LOXL2: variants seen among roughly 807,000 people sequenced by gnomAD.
LOXL2 encodes lysyl oxidase homolog 2.
LOXL2 carries 70 observed loss-of-function variants against 93.0 expected under a neutral mutation model. That is an observed-to-expected ratio of 0.75 (90% CI 0.62 to 0.92). The LOEUF (loss-of-function observed/expected upper bound fraction) is 0.92, where lower values mean the gene tolerates loss of function less well. LOXL2 is among the 40% of genes least tolerant of loss of function. The pLI is 0.00. For synonymous variants in LOXL2, 438 were observed against 413.2 expected, an observed-to-expected ratio of 1.06 and a Z score of -0.73; for missense variants, 973 against 1,054.9, an observed-to-expected ratio of 0.92 and a Z score of 1.08.
intron 1 of LOXL2, among the ~76,000 whole-genome samples, chr8:23,378,062 T>C (rs1804620989): frequency 6.6e-6 from 1 of 152,260 alleles, no homozygotes; most frequent in East Asian, 1.9e-4. Flanking sequence ...TGGCATGTTT[T>C]TGAAGTGGCT....
intron 3 of LOXL2, among the ~76,000 whole-genome samples, chr8:23,353,330 G>A (rs1218382625): frequency 2.0e-5 from 3 of 152,210 alleles, no homozygotes; most frequent in Admixed American, 6.5e-5. Context: ...AGATCTGTTC[G>A]TTTGGAGCCA....
chr8:23,309,692 G>A lies in LOXL2; in HGVS notation c.1856C>T (p.Ala619Val), dbSNP rs770656880. The A allele has an allele frequency of 9.2e-6, 14 of 1,528,298 alleles. No homozygotes were observed. The highest frequency in any genetic ancestry group is 6.9e-5 in the African/African-American group (5 of 72,536). The allele number at this position is 1,528,298 out of a possible 1,614,324, so 94.7% of individuals were successfully genotyped here. Reference sequence around the variant, plus strand: ...CCTGTGACAGTCGTGCCAGATCCACGCGTGGCGGCCGTTCTTGGGCCGGAA... The same window carrying A: ...CCTGTGACAGTCGTGCCAGATCCACACGTGGCGGCCGTTCTTGGGCCGGAA... Reference protein sequence around the residue: ...SDFRPKNGRHAWIWHDCHRHY... With the variant: ...SDFRPKNGRHVWIWHDCHRHY... The change falls in exon 10 of 14, where the codon GCG becomes GTG. Residue 619 changes from alanine (A) to valine (V), a missense_variant. Coordinates refer to ENST00000389131, the MANE Select transcript of LOXL2 (RefSeq NM_002318.3).
At chr8:23,383,043 C>T (rs1368691334) in intron 1 of LOXL2, among the ~76,000 whole-genome samples, 1 of 152,164 alleles carries the variant, frequency 6.6e-6, no homozygotes, top group South Asian at 2.1e-4. Context: ...TGGTACCTAA[C>T]ATGCCTCTCC....
intron 1 of LOXL2, among the ~76,000 whole-genome samples, chr8:23,381,193 A>C (rs1377268607): frequency 6.6e-6 from 1 of 152,030 alleles, no homozygotes; most frequent in Non-Finnish European, 1.5e-5. Context: ...TATTGCAAAC[A>C]TTATGCTTTA....
intron 1 of LOXL2, among the ~76,000 whole-genome samples, chr8:23,392,217 C>A (rs1469079389): frequency 2.6e-5 from 4 of 152,196 alleles, no homozygotes; most frequent in Non-Finnish European, 5.9e-5. Context: ...CTGGAAATTT[C>A]TGGCTCCATA....
chr8:23,354,395 G>T (rs1242354809), intron 3 of LOXL2, among the ~76,000 whole-genome samples: 1 of 152,184 alleles, frequency 6.6e-6, no homozygotes, highest in African/African-American at 2.4e-5. Flanking sequence ...ATTCACTGAC[G>T]TTTCATTCCT....
At chr8:23,396,786 T>G (rs1443695647) in intron 1 of LOXL2, among the ~76,000 whole-genome samples, 2 of 152,244 alleles carry the variant, frequency 1.3e-5, no homozygotes, top group Non-Finnish European at 2.9e-5. Context: ...GCATGAAACG[T>G]ATTTGAAATC....
chr8:23,342,437 T>C (rs968542790), intron 3 of LOXL2, among the ~76,000 whole-genome samples: 5 of 150,372 alleles, frequency 3.3e-5, no homozygotes, highest in Admixed American at 1.3e-4. Context: ...CTTTTTCTTT[T>C]TTTTTTTTTT....
At chr8:23,328,127 AAT>A (rs1201187121) in intron 6 of LOXL2, among the ~76,000 whole-genome samples, 1 of 152,002 alleles carries the variant, frequency 6.6e-6, no homozygotes, top group Non-Finnish European at 1.5e-5. Flanking sequence ...ATTGGCTGCT[AAT>A]ATGTTATCTC....
At chr8:23,330,309 G>A (rs1420843489) in intron 5 of LOXL2, among the ~76,000 whole-genome samples, 1 of 152,128 alleles carries the variant, frequency 6.6e-6, no homozygotes, top group Non-Finnish European at 1.5e-5. Context: ...ATTCTGGCCT[G>A]GGCGAAAGAG....
intron 4 of LOXL2, among the ~76,000 whole-genome samples, chr8:23,339,271 G>A (rs1803842670): frequency 6.6e-6 from 1 of 152,190 alleles, no homozygotes; most frequent in Non-Finnish European, 1.5e-5. Flanking sequence ...GCTGCAGGAG[G>A]GGCTGGTTTC....
intron 5 of LOXL2, chr8:23,328,784 G>C: frequency 1.9e-6 from 1 of 528,048 alleles, no homozygotes; most frequent in South Asian, 2.2e-5. Context: ...CCTCTATAGA[G>C]TCAGCTCTGG....
At chr8:23,302,247 C>T (rs531577792) in intron 11 of LOXL2, 84 bp from the exon 12 acceptor site, 35 of 1,559,524 alleles carry the variant, frequency 2.2e-5, no homozygotes, top group East Asian at 9.1e-5. Context: ...AGGCCCCTAC[C>T]GCTGCTTCAT....
At chr8:23,313,216 A>G (rs932355347) in intron 9 of LOXL2, among the ~76,000 whole-genome samples, 10 of 152,308 alleles carry the variant, frequency 6.6e-5, no homozygotes, top group African/African-American at 2.4e-4. Flanking sequence ...AAATGGCCAT[A>G]CTGCCCAAGG....
Position 23,302,097 on chromosome 8 carries a change from A to T in LOXL2, c.2063T>A (p.Met688Lys), listed in dbSNP as rs369164898. 13 of 1,614,004 alleles carry T rather than the reference A, an allele frequency of 8.1e-6. No homozygotes were observed. Among genetic ancestry groups the T allele is most frequent in the Non-Finnish European group, 1.1e-5 (13 of 1,179,996 alleles). ...CTGGCAGTCGATGTCATGGCGGTACATGTCCCAGCAGCCCATGGTGATGCC... is the reference window on the plus strand; with the variant it reads ...CTGGCAGTCGATGTCATGGCGGTACTTGTCCCAGCAGCCCATGGTGATGCC... ...DQGITMGCWDMYRHDIDCQWV... is the reference protein window; with the variant it reads ...DQGITMGCWDKYRHDIDCQWV... The change falls in exon 12 of 14, where the codon ATG becomes AAG. Residue 688 changes from methionine (M) to lysine (K), a missense_variant. By Grantham distance (95) the Met-to-Lys change is moderately conservative (BLOSUM62 -1). Coordinates refer to ENST00000389131, the MANE Select transcript of LOXL2 (RefSeq NM_002318.3).
intron 1 of LOXL2, among the ~76,000 whole-genome samples, chr8:23,399,164 G>A (rs923700303): frequency 3.3e-5 from 5 of 152,276 alleles, no homozygotes; most frequent in Middle Eastern, 3.4e-3. Context: ...GAGTGGCCTC[G>A]GGCCACTTCA....
At chr8:23,367,945 C>G in intron 2 of LOXL2, 52 bp downstream of exon 2, 2 of 1,501,168 alleles carry the variant, frequency 1.3e-6, no homozygotes, top group East Asian at 4.5e-5. Flanking sequence ...GGGAAGGCCA[C>G]TCCGGGCCTT....
intron 8 of LOXL2, among the ~76,000 whole-genome samples, chr8:23,318,925 G>C (rs1477712166): frequency 6.6e-6 from 1 of 152,216 alleles, no homozygotes; most frequent in Non-Finnish European, 1.5e-5. Flanking sequence ...AGCAACCTGG[G>C]ACCCACCCAG....
chr8:23,401,801 T>C (rs1585387733), intron 1 of LOXL2, among the ~76,000 whole-genome samples: 2 of 152,262 alleles, frequency 1.3e-5, no homozygotes, highest in East Asian at 1.9e-4. Context: ...GAGAGGCCAG[T>C]TGGAAAGAAA....
Sources: gnomAD v4.1 joint callset for allele counts (sites outside exome capture counted in the v4.1 genomes callset) on GRCh38, gnomAD v4.1.1 for gene constraint, MANE v1.5 for transcripts, NCBI Gene and HGNC (gene_info 2026-07-23, HGNC 2026-07-21) for gene names.